Variants in SEC31B observed in about 807,000 individuals in gnomAD.
SEC31B encodes protein transport protein Sec31B.
Under a neutral mutation model 135.0 loss-of-function variants are expected in SEC31B, and 113 were observed. That is an observed-to-expected ratio of 0.84 (90% CI 0.72 to 0.98). The LOEUF is 0.98. SEC31B is among the 50% of genes least tolerant of loss of function. The pLI, the probability that SEC31B is intolerant of heterozygous loss-of-function variation, is 0.00. For synonymous variants in SEC31B, 508 were observed against 549.4 expected, an observed-to-expected ratio of 0.92 and a Z score of 1.05; for missense variants, 1,296 against 1,421.1, an observed-to-expected ratio of 0.91 and a Z score of 1.42.
chr10:100,513,531 A>G (rs1283450897), intron 3 of SEC31B, among the ~76,000 whole-genome samples: 1 of 151,926 alleles, frequency 6.6e-6, no homozygotes, highest in Non-Finnish European at 1.5e-5. Context: ...CAGTGGTACC[A>G]TCTTGTTGGC....
At chr10:100,498,616 G>C in intron 14 of SEC31B, 89 bp downstream of exon 14, 1 of 896,246 alleles carries the variant, frequency 1.1e-6, no homozygotes, top group African/African-American at 1.7e-5. Flanking sequence ...CACGAGGCAG[G>C]GGACAAGAAG....
chr10:100,495,525 C>T lies in SEC31B; in HGVS notation c.2332G>A (p.Asp778Asn). Residue 778 changes from aspartate to asparagine, a missense_variant, in exon 19 of 26, where the codon GAT becomes AAT. By Grantham distance (23) the Asp-to-Asn change is conservative. Transcript: ENST00000370345. The part of the protein sequence containing the change: ...CAQPPVQQLR[D>N]RLFHAQGSAV... ...GAACCTTGAGCATGAAAAAGCCGAT[C>T]TCTTAGCTGCTGAACTGGTGGCTAT... 6.2e-7 allele frequency: 1 copy of T among 1,613,618 alleles called. No homozygotes were observed. The highest frequency in any genetic ancestry group is 2.2e-5 in the East Asian group (1 of 44,882).
Position 100,505,421 on chromosome 10 carries a change from C to T in SEC31B, c.1119G>A (p.Leu373=), listed in dbSNP as rs558006747. ...TGGGGGGTTTTTTCAGGGGAGGTAT[C>T]AGTGGTGCTTGTGCCACTTGCTCTG... ...QVPEQVAQAP[L]IPPLKKPPKW... The change falls in exon 10 of 26, where the codon CTG becomes CTA. Residue 373 remains leucine, a synonymous_variant. Transcript: ENST00000370345. 3.1e-6 allele frequency: 5 copies of T among 1,607,032 alleles called. No homozygotes were observed. In the South Asian group the frequency reaches 5.6e-5, roughly 18 times the overall value.
chr10:100,517,649 GTAGA>G (rs1243535425), intron 1 of SEC31B, among the ~76,000 whole-genome samples: 1 of 152,216 alleles, frequency 6.6e-6, no homozygotes, highest in Non-Finnish European at 1.5e-5. Flanking sequence ...CTTGGATATA[GTAGA>G]TACTTAATGG....
At chr10:100,513,720 TCAGCCTCC>T (rs1851775919) in intron 3 of SEC31B, among the ~76,000 whole-genome samples, 1 of 151,966 alleles carries the variant, frequency 6.6e-6, no homozygotes. Context: ...TCCACCCGTC[TCAGCCTCC>T]CAAAGTGCTG....
At chr10:100,493,265 C>T (rs188404394) in intron 19 of SEC31B, among the ~76,000 whole-genome samples, 174 of 151,558 alleles carry the variant, frequency 1.1e-3, no homozygotes, top group African/African-American at 1.8e-3. Flanking sequence ...ACAAGCTACT[C>T]GGGAGGCTGA....
At chr10:100,490,472 C>T (rs941673930) in intron 20 of SEC31B, 150 bp from the exon 21 acceptor site, 1 of 978,646 alleles carries the variant, frequency 1.0e-6, no homozygotes, top group Non-Finnish European at 1.5e-6. Flanking sequence ...ATACTTTTAA[C>T]TATATTCCTT....
At chr10:100,503,689 C>A (rs1851570492) in intron 10 of SEC31B, among the ~76,000 whole-genome samples, 1 of 151,938 alleles carries the variant, frequency 6.6e-6, no homozygotes, top group Non-Finnish European at 1.5e-5. Context: ...CCTGCCTCGG[C>A]CTCCCAAAGT....
At chr10:100,500,488 G>A (rs961875322) in intron 11 of SEC31B, among the ~76,000 whole-genome samples, 1 of 151,782 alleles carries the variant, frequency 6.6e-6, no homozygotes, top group African/African-American at 2.4e-5. Flanking sequence ...CTAATTTTTT[G>A]TATTTTTAGT....
chr10:100,504,693 G>A (rs1851591582), intron 10 of SEC31B, among the ~76,000 whole-genome samples: 1 of 152,076 alleles, frequency 6.6e-6, no homozygotes, highest in South Asian at 2.1e-4. Context: ...AAGTCTGTGG[G>A]ATTATAGAGA....
chr10:100,513,427 G>A (rs1007175532), intron 3 of SEC31B, among the ~76,000 whole-genome samples: 4 of 152,138 alleles, frequency 2.6e-5, no homozygotes, highest in African/African-American at 9.7e-5. Context: ...TGTAACTGAA[G>A]TGCTGGATTT....
chr10:100,496,081 G>A (rs368653501), intron 18 of SEC31B, among the ~76,000 whole-genome samples, 177 bp downstream of exon 18: 24 of 152,280 alleles, frequency 1.6e-4, no homozygotes, highest in East Asian at 9.6e-4. Context: ...TTCTGTTATG[G>A]CACTATAAGT....
In SEC31B at chr10:100,487,784, A is replaced by G; in HGVS notation, c.3372T>C (p.His1124=). 6.2e-7 allele frequency: 1 copy of G among 1,614,036 alleles called. No individual in the cohort carries two copies. The highest frequency in any genetic ancestry group is 8.5e-7 in the Non-Finnish European group (1 of 1,179,992). The change falls in exon 26 of 26, where the codon CAT becomes CAC. Residue 1124 remains histidine, a synonymous_variant. Coordinates refer to ENST00000370345, the MANE Select transcript of SEC31B (RefSeq NM_015490.4). ...CAACCTCATGGAGCCCAGCCACGAC[A>G]TGAGGTGAGAGCTGTGGAGGGAATG... ...EKLCEGTLSP[H]VVAGLHEVAR...
At chr10:100,507,295 T>A (rs1356209717) in intron 7 of SEC31B, 130 bp downstream of exon 7, 25 of 1,126,132 alleles carry the variant, frequency 2.2e-5, no homozygotes, top group Non-Finnish European at 3.2e-5. Flanking sequence ...TGGGTGACTA[T>A]ATGTTGACCG....
Position 100,506,377 on chromosome 10 carries a change from G to A in SEC31B, c.826C>T (p.Leu276=), listed in dbSNP as rs748910364. 6.2e-7 allele frequency: 1 copy of A among 1,614,044 alleles called. No individual in the cohort carries two copies. Among genetic ancestry groups the A allele is most frequent in the African/African-American group, 1.3e-5 (1 of 74,906 alleles). The change falls in exon 8 of 26, where the codon CTG becomes TTG. Residue 276 remains leucine, a synonymous_variant. Transcript: ENST00000370345. ...TGGCTGTCCTTAGCACTAGTGAGCA[G>A]CAGCTCAGCATCAGCCTGGCTCCAT... ...VSWSQADAEL[L]LTSAKDSQIL... is the part of the protein sequence containing the mutation.
intron 6 of SEC31B, 45 bp from the exon 7 acceptor site, chr10:100,507,612 T>C: frequency 6.2e-7 from 1 of 1,609,636 alleles, no homozygotes; most frequent in African/African-American, 1.3e-5. Context: ...CCTGACTCTT[T>C]TGCCCAGTTG....
intron 1 of SEC31B, among the ~76,000 whole-genome samples, chr10:100,518,856 C>G (rs1050820190): frequency 1.3e-5 from 2 of 152,138 alleles, no homozygotes; most frequent in Non-Finnish European, 2.9e-5. Flanking sequence ...TTCCAAAGCA[C>G]CTTTAAACAC....
rs983224182 is a variant in SEC31B at position 100,497,125 on chromosome 10, G to A, written c.2136+10C>T. 2 of 1,614,030 alleles carry A rather than the reference G, an allele frequency of 1.2e-6. No homozygotes were observed. Among genetic ancestry groups the A allele is most frequent in the Non-Finnish European group, 1.7e-6 (2 of 1,179,976 alleles). On this transcript the variant is annotated intron_variant, in intron 17 of 25. Transcript: ENST00000370345. ...TGTGGAGTGGCCAGTACCCTGCAGA[G>A]AAGGGGTACCTGCAGAGCCATGGGG...
At chr10:100,505,886 AG>A in intron 9 of SEC31B, 153 bp downstream of exon 9, 1 of 1,505,848 alleles carries the variant, frequency 6.6e-7, no homozygotes, top group African/African-American at 1.4e-5. Flanking sequence ...ACATCCTTTC[AG>A]GAAGATGGGC....
Sources: allele counts gnomAD v4.1 joint callset (sites outside exome capture counted in the v4.1 genomes callset), GRCh38; gene constraint gnomAD v4.1.1; transcripts MANE v1.5; gene names NCBI Gene and HGNC (gene_info 2026-07-23, HGNC 2026-07-21).